The following CNST variants were observed in gnomAD, a reference collection of about 807,000 sequenced individuals.
CNST encodes the protein consortin.
In CNST, 39 loss-of-function variants were observed where a neutral mutation model predicts 72.4. The observed-to-expected ratio is 0.54, with a 90% CI of 0.42 to 0.70. The LOEUF is 0.70. CNST is among the 30% of genes least tolerant of loss of function. The pLI is 0.00. For synonymous variants in CNST, 332 were observed against 320.1 expected, an observed-to-expected ratio of 1.04 and a Z score of -0.40; for missense variants, 871 against 868.5, an observed-to-expected ratio of 1.00 and a Z score of -0.04.
At chr1:246,591,172 G>A (rs1035864364) in intron 1 of CNST, among the ~76,000 whole-genome samples, 3 of 152,190 alleles carry the variant, frequency 2.0e-5, no homozygotes, top group African/African-American at 7.2e-5. Context: ...CATTCAGGCA[G>A]TGGTCCCAAC....
At chr1:246,664,280 A>G (rs933379580) in intron 10 of CNST, among the ~76,000 whole-genome samples, 1 of 152,276 alleles carries the variant, frequency 6.6e-6, no homozygotes, top group East Asian at 1.9e-4. Flanking sequence ...ACAAGCTTGT[A>G]TATATGATAT....
chr1:246,631,541 C>T (rs559133603), intron 3 of CNST, among the ~76,000 whole-genome samples: 3 of 152,290 alleles, frequency 2.0e-5, no homozygotes, highest in South Asian at 4.1e-4. Flanking sequence ...TTACAATAAA[C>T]AATCATTTTT....
intron 9 of CNST, among the ~76,000 whole-genome samples, chr1:246,649,156 G>GTTT (rs767552283): frequency 2.0e-3 from 148 of 73,354 alleles, no homozygotes; most frequent in Middle Eastern, 8.1e-3. Flanking sequence ...ACAGACTGTT[G>GTTT]TTTTGTTTTT....
intron 1 of CNST, 46 bp downstream of exon 1, chr1:246,566,709 C>T: frequency 2.5e-6 from 1 of 400,356 alleles, no homozygotes; most frequent in Non-Finnish European, 4.4e-6. Context: ...CGGCTCGCGG[C>T]CGGGATGGAA....
intron 1 of CNST, among the ~76,000 whole-genome samples, chr1:246,585,666 T>TACACACAC (rs56730668): frequency 1.6e-4 from 16 of 101,604 alleles, no homozygotes; most frequent in East Asian, 5.8e-4. Flanking sequence ...AAAAAAAATA[T>TACACACAC]ACACACACAC....
intron 9 of CNST, among the ~76,000 whole-genome samples, chr1:246,657,297 C>T (rs574949797): frequency 1.1e-4 from 17 of 152,210 alleles, no homozygotes; most frequent in Admixed American, 2.6e-4. Flanking sequence ...CTTGGCCCAC[C>T]GTCCCTTGTT....
rs1175786242 is a variant in CNST at position 246,641,760 on chromosome 1, C to G, written c.830C>G (p.Ser277Cys). The G allele has an allele frequency of 5.1e-6, 7 of 1,359,674 alleles. No homozygotes were observed. The highest frequency in any genetic ancestry group is 6.2e-6 in the Non-Finnish European group (6 of 960,852). The allele number at this position is 1,359,674 out of a possible 1,614,324, so 84.2% of individuals were successfully genotyped here. Reference protein sequence around the residue: ...ICATHQDPLLSKHKIAAVEKS... With the variant: ...ICATHQDPLLCKHKIAAVEKS... The stretch of plus-strand genomic sequence containing the variant: ...CTTTTTTCCTACAGTCCTCTTTTAT[C>G]CAAACATAAGGTAAGAGATTGTTTC... Residue 277 changes from serine (S) to cysteine (C), a missense_variant, in exon 7 of 11, where the codon TCC becomes TGC. Physicochemically the swap from Ser to Cys is moderately radical, Grantham distance 112 (BLOSUM62 -1). Coordinates refer to ENST00000366513, the MANE Select transcript of CNST (RefSeq NM_152609.3).
intron 6 of CNST, among the ~76,000 whole-genome samples, chr1:246,634,953 G>GTGGGTGTCTTCCGGCCGGGA (rs1665065085): frequency 1.3e-5 from 2 of 151,658 alleles, no homozygotes; most frequent in South Asian, 4.2e-4. Flanking sequence ...ATCCTCGGTG[G>GTGGGTGTCTTCCGGCCGGGA]TGCGTGTCTT....
intron 6 of CNST, among the ~76,000 whole-genome samples, chr1:246,637,653 T>A (rs1428950936): frequency 6.6e-6 from 1 of 152,216 alleles, no homozygotes. Context: ...GTTGATGTTT[T>A]CAAGTTTGCC....
chr1:246,642,132 G>GTTTTTTTTTTTTTTTTTTTT lies in CNST; in HGVS notation c.937+95_937+96insTTTTTTTTTTTTTTTTTTTT, dbSNP rs1491252940. On this transcript the variant is annotated intron_variant, in intron 8 of 10. Coordinates refer to ENST00000366513, the MANE Select transcript of CNST (RefSeq NM_152609.3). ...ACATCTGAATTGCTGCAAAGGATCT[G>GTTTTTTTTTTTTTTTTTTTT]GTTTTTTTTTTTTTTTTTTTTTGCA... is the stretch of plus-strand genomic sequence containing the variant. The GTTTTTTTTTTTTTTTTTTTT allele has an allele frequency of 8.0e-4, 159 of 198,342 alleles. 38 individuals are homozygous for GTTTTTTTTTTTTTTTTTTTT. The highest frequency in any genetic ancestry group is 7.2e-3 in the African/African-American group (136 of 18,816). The allele number at this position is 198,342 out of a possible 1,614,324, so 12.3% of individuals were successfully genotyped here.
At chr1:246,634,239 A>G in intron 5 of CNST, 3 of 554,522 alleles carry the variant, frequency 5.4e-6, no homozygotes, top group Admixed American at 3.5e-5. Flanking sequence ...AATACTTGCA[A>G]CTATTTGCAT....
chr1:246,575,523 G>C (rs547026684), intron 1 of CNST, among the ~76,000 whole-genome samples: 15 of 152,246 alleles, frequency 9.9e-5, no homozygotes, highest in African/African-American at 3.4e-4. Flanking sequence ...TAAATCTATA[G>C]AGACAGAAAG....
At chr1:246,612,207 TTTTG>T (rs945937188) in intron 2 of CNST, among the ~76,000 whole-genome samples, 3 of 152,214 alleles carry the variant, frequency 2.0e-5, no homozygotes, top group South Asian at 2.1e-4. Context: ...GAATGTATTT[TTTTG>T]TTTGTTTGAG....
At chr1:246,589,260 C>T (rs1202408132) in intron 1 of CNST, among the ~76,000 whole-genome samples, 3 of 128,056 alleles carry the variant, frequency 2.3e-5, no homozygotes, top group African/African-American at 8.6e-5. Context: ...TGCTATCCCT[C>T]CCCCTCCCCC....
At chr1:246,610,053 C>A (rs1237378114) in intron 2 of CNST, among the ~76,000 whole-genome samples, 1 of 152,116 alleles carries the variant, frequency 6.6e-6, no homozygotes, top group African/African-American at 2.4e-5. Context: ...GAGGCTGAGG[C>A]GGGTGGATCA....
rs747303090 is a variant in CNST, at chr1:246,591,920, ACTG to A, written c.361_363del (p.Ala121del). 6.2e-6 allele frequency: 10 copies of A among 1,612,714 alleles called. No homozygotes were observed. The highest frequency in any genetic ancestry group is 8.5e-6 in the Non-Finnish European group (10 of 1,179,614). On this transcript the variant is annotated inframe_deletion, in exon 2 of 11. Transcript: ENST00000366513. ...AAGAAGTCCAAGAAGCAAAAAAGGG[ACTG>A]CTAAGAAGATACCACCAGGTATTGT... is the stretch of plus-strand genomic sequence containing the variant.
chr1:246,569,601 A>C (rs1659941642), intron 1 of CNST, among the ~76,000 whole-genome samples: 1 of 152,106 alleles, frequency 6.6e-6, no homozygotes, highest in Admixed American at 6.5e-5. Flanking sequence ...GTTTTGAGAC[A>C]GATTCTCATT....
intron 2 of CNST, among the ~76,000 whole-genome samples, chr1:246,609,969 CAG>C (rs1663194045): frequency 6.6e-6 from 1 of 152,128 alleles, no homozygotes; most frequent in Admixed American, 6.6e-5. Flanking sequence ...TCTCCCCAAA[CAG>C]AATCTCTGTG....
chr1:246,570,933 T>C lies in CNST; in HGVS notation c.-52+4270T>C, dbSNP rs142790857. ...ATTCTAACTTAATATATGTATGTCTTGATACTGTTATGTAACCTTTCCAGT... is the reference window on the plus strand; with the variant it reads ...ATTCTAACTTAATATATGTATGTCTCGATACTGTTATGTAACCTTTCCAGT... On this transcript the variant is annotated intron_variant, in intron 1 of 10. Coordinates refer to ENST00000366513, the MANE Select transcript of CNST (RefSeq NM_152609.3). 3.9e-3 allele frequency among the ~76,000 whole-genome samples: 592 copies of C among 152,336 alleles called. 3 individuals carry two copies. Among genetic ancestry groups the C allele is most frequent in the African/African-American group, 0.014 (568 of 41,572 alleles).
Sources: gnomAD v4.1 joint callset for allele counts (sites outside exome capture counted in the v4.1 genomes callset) on GRCh38, gnomAD v4.1.1 for gene constraint, MANE v1.5 for transcripts, NCBI Gene and HGNC (gene_info 2026-07-23, HGNC 2026-07-21) for gene names.